The following PLCB4 variants were observed in gnomAD, a reference collection of about 807,000 sequenced individuals.
PLCB4 encodes 1-phosphatidylinositol 4,5-bisphosphate phosphodiesterase beta-4.
Under a neutral mutation model 178.8 loss-of-function variants are expected in PLCB4, and 77 were observed. The observed-to-expected ratio is 0.43, with a 90% CI of 0.36 to 0.52. The LOEUF (loss-of-function observed/expected upper bound fraction) is 0.52. PLCB4 is among the 20% of genes least tolerant of loss of function. The pLI is 0.00. For synonymous variants in PLCB4, 496 were observed against 490.8 expected, an observed-to-expected ratio of 1.01 and a Z score of -0.14; for missense variants, 1,024 against 1,453.4, an observed-to-expected ratio of 0.70 and a Z score of 4.80.
At chr20:9,296,707 A>G (rs1439650328) in intron 3 of PLCB4, among the ~76,000 whole-genome samples, 1 of 152,200 alleles carries the variant, frequency 6.6e-6, no homozygotes, top group East Asian at 1.9e-4. Context: ...TGTCCTTTGT[A>G]GGGACATGGA....
chr20:9,075,911 T>G (rs1362717427), intron 1 of PLCB4, among the ~76,000 whole-genome samples: 3 of 152,246 alleles, frequency 2.0e-5, no homozygotes, highest in African/African-American at 7.2e-5. Flanking sequence ...ATGTTGAGCC[T>G]TTTGTTAGCT....
In PLCB4 at chr20:9,476,807, G is replaced by A. The variant is rs183419873; in HGVS notation, c.3532+54G>A. ...GTTGCTTTCCTTCTCGACTACGTCC[G>A]TATTCTCTGTGCAGTCTCCATTTAT... is the stretch of plus-strand genomic sequence containing the variant. On this transcript the variant is annotated intron_variant, in intron 39 of 39. Transcript: ENST00000378473. 1.7e-3 allele frequency: 1,986 copies of A among 1,193,316 alleles called. 6 individuals carry two copies. Among genetic ancestry groups the A allele is most frequent in the Non-Finnish European group, 1.8e-3 (1,432 of 797,476 alleles). The allele number at this position is 1,193,316 out of a possible 1,614,324, so 73.9% of individuals were successfully genotyped here.
chr20:9,429,862 C>A (rs1028989266), intron 28 of PLCB4, among the ~76,000 whole-genome samples: 1 of 152,086 alleles, frequency 6.6e-6, no homozygotes, highest in Non-Finnish European at 1.5e-5. Flanking sequence ...CAGAACTGTC[C>A]CAGGTATTCA....
intron 4 of PLCB4, among the ~76,000 whole-genome samples, chr20:9,319,262 C>A (rs1345973087): frequency 6.6e-6 from 1 of 152,144 alleles, no homozygotes; most frequent in African/African-American, 2.4e-5. Context: ...GAAGTCCCTT[C>A]TCGATTGATA....
At chr20:9,478,133 A>G (rs567705809) in intron 39 of PLCB4, among the ~76,000 whole-genome samples, 6 of 152,284 alleles carry the variant, frequency 3.9e-5, no homozygotes, top group South Asian at 4.2e-4. Flanking sequence ...GAAATGTACT[A>G]TTTGATTTTT....
At chr20:9,409,397 A>T (rs2039698779) in intron 24 of PLCB4, among the ~76,000 whole-genome samples, 1 of 152,096 alleles carries the variant, frequency 6.6e-6, no homozygotes, top group Admixed American at 6.6e-5. Context: ...ATTGGAATTT[A>T]ATTCCTTTCA....
At chr20:9,251,735 A>G (rs1034092811) in intron 3 of PLCB4, among the ~76,000 whole-genome samples, 1 of 144,218 alleles carries the variant, frequency 6.9e-6, no homozygotes, top group Non-Finnish European at 1.6e-5. Flanking sequence ...GACTGGCAAT[A>G]ATAAAGACCT....
intron 39 of PLCB4, 44 bp from the exon 40 acceptor site, chr20:9,478,877 A>T (rs372751696): frequency 2.8e-6 from 4 of 1,450,140 alleles, no homozygotes; most frequent in Non-Finnish European, 3.9e-6. Flanking sequence ...GTGCCTTCAG[A>T]TAAGGATTTC....
chr20:9,390,557 A>G lies in PLCB4; in HGVS notation c.1265A>G (p.Lys422Arg), dbSNP rs777303690. ...CSKYQQYKMS[K>R]YCEDLFGDLL... Reference sequence around the variant, plus strand: ...AAATATCAACAGTACAAGATGTCCAAATATTGCGAAGATCTATTTGGGGAT... The same window carrying G: ...AAATATCAACAGTACAAGATGTCCAGATATTGCGAAGATCTATTTGGGGAT... The change falls in exon 17 of 40, where the codon AAA becomes AGA. Residue 422 changes from lysine (K) to arginine (R), a missense_variant. Coordinates refer to ENST00000378473, the MANE Select transcript of PLCB4 (RefSeq NM_001377142.1). 2.5e-6 allele frequency: 4 copies of G among 1,589,852 alleles called. No individual in the cohort carries two copies. Among genetic ancestry groups the G allele is most frequent in the African/African-American group, 2.7e-5 (2 of 74,432 alleles).
intron 1 of PLCB4, among the ~76,000 whole-genome samples, chr20:9,086,325 C>T (rs1454055620): frequency 1.3e-5 from 2 of 151,984 alleles, no homozygotes; most frequent in African/African-American, 4.8e-5. Context: ...TTTGAAGTGT[C>T]TTGTGAAGGT....
intron 2 of PLCB4, among the ~76,000 whole-genome samples, chr20:9,174,515 T>C (rs959474068): frequency 6.6e-6 from 1 of 151,914 alleles, no homozygotes; most frequent in Non-Finnish European, 1.5e-5. Context: ...CTTTTTTACA[T>C]TGTAGTTTTC....
chr20:9,427,947 C>T (rs2041140961), intron 28 of PLCB4, among the ~76,000 whole-genome samples: 2 of 152,146 alleles, frequency 1.3e-5, no homozygotes, highest in African/African-American at 4.8e-5. Flanking sequence ...ATTTTGCCTC[C>T]TCTTCTACAA....
intron 8 of PLCB4, among the ~76,000 whole-genome samples, chr20:9,364,269 A>G (rs1224410588): frequency 6.6e-6 from 1 of 152,212 alleles, no homozygotes; most frequent in Non-Finnish European, 1.5e-5. Flanking sequence ...AAACTTTTAG[A>G]AGGCTTGCTT....
chr20:9,349,558 G>C (rs1046480292), intron 7 of PLCB4, among the ~76,000 whole-genome samples: 2 of 152,266 alleles, frequency 1.3e-5, no homozygotes, highest in East Asian at 1.9e-4. Context: ...TTGAAATGCT[G>C]TGCTCTTCAT....
intron 4 of PLCB4, among the ~76,000 whole-genome samples, chr20:9,322,044 C>T (rs1247849380): frequency 6.7e-6 from 1 of 150,018 alleles, no homozygotes; most frequent in African/African-American, 2.5e-5. Context: ...AACTCCTGGG[C>T]TTAAGCAATT....
At chr20:9,150,210 G>A (rs565525228) in intron 2 of PLCB4, among the ~76,000 whole-genome samples, 6 of 152,294 alleles carry the variant, frequency 3.9e-5, no homozygotes, top group South Asian at 4.1e-4. Context: ...TGCTAGGTGC[G>A]TACCACTTGG....
chr20:9,316,104 G>A (rs1177346950), intron 4 of PLCB4, among the ~76,000 whole-genome samples: 1 of 152,128 alleles, frequency 6.6e-6, no homozygotes, highest in Admixed American at 6.6e-5. Context: ...CATGGTAAGA[G>A]GAGAATTCTG....
intron 3 of PLCB4, among the ~76,000 whole-genome samples, chr20:9,257,502 C>T (rs1339289999): frequency 6.6e-6 from 1 of 152,162 alleles, no homozygotes; most frequent in East Asian, 1.9e-4. Flanking sequence ...GATAGACCCT[C>T]ATCTGCTATA....
At chr20:9,070,184 A>G (rs2089495100) in intron 1 of PLCB4, among the ~76,000 whole-genome samples, 1 of 152,202 alleles carries the variant, frequency 6.6e-6, no homozygotes, top group Non-Finnish European at 1.5e-5. Context: ...TTCCCCTTAA[A>G]GAGAAATCAG....
Sources: allele counts gnomAD v4.1 joint callset (sites outside exome capture counted in the v4.1 genomes callset), GRCh38; gene constraint gnomAD v4.1.1; transcripts MANE v1.5; gene names NCBI Gene and HGNC (gene_info 2026-07-23, HGNC 2026-07-21).